Variants in ANKRD6 observed in about 807,000 individuals in gnomAD.
The protein encoded by ANKRD6 is ankyrin repeat domain 6, also known as ankyrin repeat domain-containing protein 6.
A neutral mutation model predicts 82.3 loss-of-function variants in ANKRD6; 56 were observed. That is an observed-to-expected ratio of 0.68 (90% confidence interval 0.55 to 0.85). ANKRD6 has a LOEUF of 0.85. Among genes scored for constraint, ANKRD6 ranks in the 40% least tolerant of loss-of-function variants. The probability of loss-of-function intolerance (pLI) is 0.00; values close to 1 mark genes in which losing one functional copy is unlikely to be tolerated. For synonymous variants in ANKRD6, 347 were observed against 352.1 expected (o/e 0.99, Z 0.16); for missense variants, 852 against 907.6 (o/e 0.94, Z 0.79).
intron 2 of ANKRD6, among the ~76,000 whole-genome samples, chr6:89,570,523 C>T (rs1447152674): frequency 1.3e-5 from 2 of 152,198 alleles, no homozygotes; most frequent in African/African-American, 4.8e-5. Context: ...TCTTCCCCAG[C>T]TGAAGCTCTA....
chr6:89,604,152 C>T (rs543700429), intron 4 of ANKRD6, among the ~76,000 whole-genome samples: 1 of 152,268 alleles, frequency 6.6e-6, no homozygotes, highest in African/African-American at 2.4e-5. Flanking sequence ...CATGGTGAAA[C>T]CCCGTTTCTA....
chr6:89,563,900 G>T (rs11970507), intron 1 of ANKRD6, among the ~76,000 whole-genome samples: 120 of 152,200 alleles, frequency 7.9e-4, no homozygotes, highest in Admixed American at 6.6e-3. Context: ...GTCTCTGCTT[G>T]GCCTGCACCT....
At chr6:89,567,154 A>G in intron 2 of ANKRD6, 58 bp downstream of exon 2, 2 of 1,539,528 alleles carry the variant, frequency 1.3e-6, no homozygotes, top group Non-Finnish European at 1.8e-6. Flanking sequence ...CCTCTTAACC[A>G]TTGTCTGAAA....
chr6:89,604,963 C>T (rs1241529544), intron 4 of ANKRD6, among the ~76,000 whole-genome samples: 3 of 152,194 alleles, frequency 2.0e-5, no homozygotes, highest in African/African-American at 7.2e-5. Context: ...TCTCCGGGCT[C>T]TTCCCTCCCT....
At chr6:89,459,453 G>A (rs551195430) in intron 1 of ANKRD6, among the ~76,000 whole-genome samples, 1 of 152,244 alleles carries the variant, frequency 6.6e-6, no homozygotes, top group South Asian at 2.1e-4. Context: ...TTAATTTAAA[G>A]CTTCTGTGCC....
chr6:89,545,184 G>T (rs1214829513), intron 1 of ANKRD6, among the ~76,000 whole-genome samples: 1 of 142,850 alleles, frequency 7.0e-6, no homozygotes, highest in Non-Finnish European at 1.5e-5. Context: ...CTGCATTCCA[G>T]CCTGGGCGAC....
In ANKRD6 at chr6:89,633,467, A is replaced by T. The variant is rs1463605706; in HGVS notation, c.*2463A>T. The T allele has an allele frequency of 6.6e-6, 1 of 152,240 alleles. No homozygotes were observed. Among genetic ancestry groups the T allele is most frequent in the African/African-American group, 2.4e-5 (1 of 41,460 alleles). The allele number at this position is 152,240 out of a possible 1,614,324, so 9.4% of individuals were successfully genotyped here. The stretch of plus-strand genomic sequence containing the variant: ...TTCCAAAGAAAAAGAACTATTGACA[A>T]CTTATAGCCTGTCATGCAGGTCATG... On this transcript the variant is annotated 3_prime_UTR_variant, in exon 16 of 16. Coordinates refer to ENST00000339746, the MANE Select transcript of ANKRD6 (RefSeq NM_001242809.2).
intron 2 of ANKRD6, among the ~76,000 whole-genome samples, chr6:89,586,689 G>A (rs567265116): frequency 9.1e-4 from 137 of 150,970 alleles, no homozygotes; most frequent in African/African-American, 3.2e-3. Context: ...TGTCTTGGGG[G>A]AGAAAAAAAG....
At chr6:89,477,498 A>G (rs117128579) in intron 1 of ANKRD6, among the ~76,000 whole-genome samples, 9,081 of 151,812 alleles carry the variant, frequency 0.06, 291 homozygotes, top group South Asian at 0.13. Context: ...TTGGCTGGGC[A>G]CGGTGGCTCA....
chr6:89,524,141 C>T (rs1300161042), intron 1 of ANKRD6, among the ~76,000 whole-genome samples: 1 of 152,026 alleles, frequency 6.6e-6, no homozygotes, highest in Non-Finnish European at 1.5e-5. Context: ...TTTGTTTTTC[C>T]TCTTGATAAT....
chr6:89,532,960 G>A (rs548941685), intron 1 of ANKRD6, among the ~76,000 whole-genome samples: 36 of 150,990 alleles, frequency 2.4e-4, no homozygotes, highest in African/African-American at 7.3e-4. Flanking sequence ...TGCAACCTCC[G>A]CCTCCCAGGT....
rs1286179353 is a variant in ANKRD6, at chr6:89,631,632, TAATG to T, written c.*632_*635del. 5.3e-5 allele frequency: 8 copies of T among 152,236 alleles called. No individual in the cohort carries two copies. The highest frequency in any genetic ancestry group is 1.4e-4 in the African/African-American group (6 of 41,472). 9.4% of individuals were successfully genotyped at this position (152,236 alleles called of 1,614,324 possible). A position where few individuals can be genotyped will look rare whatever the true frequency, so the allele number is the denominator to read the frequency against. ...TTATTGAAAAGTCAGTTTATTTAAA[TAATG>T]AATAATTGGCTAACAGCTCTGGAAA... On this transcript the variant is annotated 3_prime_UTR_variant, in exon 16 of 16. Transcript: ENST00000339746.
chr6:89,549,199 G>A (rs1785491058), intron 1 of ANKRD6, among the ~76,000 whole-genome samples: 1 of 152,072 alleles, frequency 6.6e-6, no homozygotes, highest in South Asian at 2.1e-4. Flanking sequence ...AACAGAGTGA[G>A]ACTCTGTCTC....
chr6:89,549,547 A>G (rs1785539859), intron 1 of ANKRD6, among the ~76,000 whole-genome samples: 1 of 152,232 alleles, frequency 6.6e-6, no homozygotes, highest in Non-Finnish European at 1.5e-5. Flanking sequence ...AGTCTCAGGT[A>G]TTCTGTTATA....
At chr6:89,516,668 G>T (rs1781266145) in intron 1 of ANKRD6, among the ~76,000 whole-genome samples, 1 of 152,140 alleles carries the variant, frequency 6.6e-6, no homozygotes, top group Admixed American at 6.5e-5. Flanking sequence ...GTAGAGACGG[G>T]GTTTTGCCGT....
intron 1 of ANKRD6, chr6:89,509,303 G>C (rs890151085): frequency 6.6e-5 from 10 of 152,168 alleles, no homozygotes; most frequent in Non-Finnish European, 1.5e-4. Flanking sequence ...ATCCTTTATT[G>C]GCAAAGAACA....
In ANKRD6 at chr6:89,623,848, G is replaced by T. The variant is rs145669349; in HGVS notation, c.1033-24G>T. ...CTTGCAGAGGTCAAAGCGTTCAGGG[G>T]TGTTGTCTCTTCCTCTCTTACAGGT... On this transcript the variant is annotated intron_variant, in intron 11 of 15. Transcript: ENST00000339746. The T allele has an allele frequency of 1.0e-3, 1,640 of 1,603,440 alleles. 15 individuals are homozygous for T. The East Asian group carries it at 0.024, about 24-fold the overall frequency.
intron 6 of ANKRD6, 24 bp from the exon 7 acceptor site, chr6:89,613,768 T>C: frequency 6.2e-7 from 1 of 1,609,738 alleles, no homozygotes; most frequent in Non-Finnish European, 8.5e-7. Flanking sequence ...CAGATTGTGC[T>C]TAGAGTTTGA....
At chr6:89,440,444 C>T (rs2127934642) in intron 1 of ANKRD6, among the ~76,000 whole-genome samples, 1 of 152,306 alleles carries the variant, frequency 6.6e-6, no homozygotes, top group South Asian at 2.1e-4. Context: ...CTGTGACTAA[C>T]CTTTATCCTT....
Sources: gnomAD v4.1 joint callset for allele counts (sites outside exome capture counted in the v4.1 genomes callset) on GRCh38, gnomAD v4.1.1 for gene constraint, MANE v1.5 for transcripts, NCBI Gene and HGNC (gene_info 2026-07-23, HGNC 2026-07-21) for gene names.